Variants in SH3RF2 observed in about 807,000 individuals in gnomAD.
SH3RF2 encodes E3 ubiquitin-protein ligase SH3RF2.
SH3RF2 carries 43 observed loss-of-function variants against 59.0 expected under a neutral mutation model. The ratio of observed to expected loss-of-function variants is 0.73; its 90% CI spans 0.57 to 0.94. The LOEUF (loss-of-function observed/expected upper bound fraction) is 0.94, where lower values mean the gene tolerates loss of function less well. SH3RF2 is among the 40% of genes least tolerant of loss of function. SH3RF2 has a pLI of 0.00. For synonymous variants in SH3RF2, 391 were observed against 391.5 expected (o/e 1.00, Z 0.01); for missense variants, 930 against 940.1 (o/e 0.99, Z 0.14).
At chr5:145,958,805 G>T (rs976748776) in intron 2 of SH3RF2, among the ~76,000 whole-genome samples, 1 of 152,120 alleles carries the variant, frequency 6.6e-6, no homozygotes, top group South Asian at 2.1e-4. Flanking sequence ...CTGGGCTTGG[G>T]TCAGAAGCCT....
At chr5:146,017,638 A>G (rs1264207155) in intron 5 of SH3RF2, among the ~76,000 whole-genome samples, 1 of 152,102 alleles carries the variant, frequency 6.6e-6, no homozygotes, top group Non-Finnish European at 1.5e-5. Context: ...ATGCAACTAG[A>G]AAGCTCTTTT....
chr5:146,025,500 G>C (rs1308527919), intron 5 of SH3RF2, among the ~76,000 whole-genome samples: 2 of 152,214 alleles, frequency 1.3e-5, no homozygotes, highest in East Asian at 3.8e-4. Flanking sequence ...TGTTCAGCTT[G>C]GAGAAGAAAA....
At chr5:146,075,278 G>A (rs1356026644) in intron 9 of SH3RF2, among the ~76,000 whole-genome samples, 1 of 152,188 alleles carries the variant, frequency 6.6e-6, no homozygotes. Context: ...TAGAGCACCT[G>A]CTATGTGTCA....
Position 145,938,119 on chromosome 5 carries a change from C to G in SH3RF2, c.191C>G (p.Pro64Arg), listed in dbSNP as rs780094539. The G allele has an allele frequency of 1.2e-6, 2 of 1,614,072 alleles. No homozygotes were observed. Among genetic ancestry groups the G allele is most frequent in the Non-Finnish European group, 1.7e-6 (2 of 1,180,046 alleles). ...GTGTTTTCCAACATTGAGGCGCTGC[C>G]GGCCAACCTGCTGCTCGTGCGCCTT... ...TPVFSNIEAL[P>R]ANLLLVRLLD... The change falls in exon 2 of 10, where the codon CCG (proline) becomes CGG (arginine). Residue 64 changes from proline to arginine, a missense_variant. Physicochemically the swap from Pro to Arg is moderately radical, Grantham distance 103 (BLOSUM62 -2). Transcript: ENST00000359120.
chr5:146,036,422 T>C (rs1761938632), intron 5 of SH3RF2, among the ~76,000 whole-genome samples: 1 of 152,162 alleles, frequency 6.6e-6, no homozygotes, highest in Non-Finnish European at 1.5e-5. Context: ...TGGCCAGGCA[T>C]GGTGGCTCAC....
intron 3 of SH3RF2, among the ~76,000 whole-genome samples, chr5:146,003,710 A>T (rs993734798): frequency 3.8e-4 from 58 of 152,216 alleles, no homozygotes; most frequent in Non-Finnish European, 3.8e-4. Flanking sequence ...TTCTTTTTGC[A>T]AAGCTAAAAG....
chr5:145,981,243 T>C (rs1759495701), intron 2 of SH3RF2, among the ~76,000 whole-genome samples: 1 of 151,960 alleles, frequency 6.6e-6, no homozygotes. Flanking sequence ...TACAAGCATA[T>C]GCCACTACAC....
intron 2 of SH3RF2, among the ~76,000 whole-genome samples, chr5:145,993,074 G>A (rs895177360): frequency 1.3e-5 from 2 of 152,038 alleles, no homozygotes; most frequent in Admixed American, 1.3e-4. Flanking sequence ...TCAAATGGGA[G>A]AAATAGGCCA....
At chr5:145,975,227 A>T (rs992087721) in intron 2 of SH3RF2, among the ~76,000 whole-genome samples, 6 of 152,172 alleles carry the variant, frequency 3.9e-5, no homozygotes, top group Admixed American at 2.6e-4. Context: ...TTCCCAACTG[A>T]CACTGGAGCT....
At chr5:146,064,586 G>GGAGA (rs70998047), downstream of SH3RF2, among the ~76,000 whole-genome samples, 566 of 41,436 alleles carry the variant, frequency 0.014, 35 homozygotes, top group African/African-American at 0.061. Flanking sequence ...GAAGGAAGGG[G>GGAGA]GAGAGAGAGA....
chr5:146,053,564 A>C (rs1762570975), intron 7 of SH3RF2, among the ~76,000 whole-genome samples: 1 of 152,118 alleles, frequency 6.6e-6, no homozygotes, highest in Non-Finnish European at 1.5e-5. Flanking sequence ...AAGGGAGGAA[A>C]AGATGGGGGC....
Position 145,943,938 on chromosome 5 carries a change from GC to G in SH3RF2, c.378+5635del, listed in dbSNP as rs1304485167. Among the ~76,000 whole-genome samples, 3 of 152,124 alleles carry G rather than the reference GC, an allele frequency of 2.0e-5. No individual in the cohort carries two copies. In the East Asian group the frequency reaches 5.8e-4, roughly 29 times the overall value. On this transcript the variant is annotated intron_variant, in intron 2 of 9. Coordinates refer to ENST00000359120, the MANE Select transcript of SH3RF2 (RefSeq NM_152550.4). ...CATTTCCCCTTAGGAAAAGTTGCCTGCCCACCTGTCCGTTCATGCTATAAAA... is the reference window on the plus strand; with the variant it reads ...CATTTCCCCTTAGGAAAAGTTGCCTGCCACCTGTCCGTTCATGCTATAAAA...
chr5:146,030,785 A>G (rs975665780), intron 5 of SH3RF2, among the ~76,000 whole-genome samples: 4 of 152,126 alleles, frequency 2.6e-5, no homozygotes, highest in Non-Finnish European at 5.9e-5. Context: ...TGAAAATCAA[A>G]AGAATAAAAC....
chr5:146,059,273 C>T (rs1474777279), intron 8 of SH3RF2, among the ~76,000 whole-genome samples: 7 of 152,168 alleles, frequency 4.6e-5, no homozygotes, highest in Non-Finnish European at 7.3e-5. Context: ...GCTTGCCTAG[C>T]CCTTGCCACT....
chr5:146,078,924 C>G (rs1320674383), exon 10 of SH3RF2: 21 of 152,172 alleles, frequency 1.4e-4, no homozygotes, highest in African/African-American at 1.2e-4. Context: ...CTTTGGTGTT[C>G]AATCCGAAGA....
chr5:145,972,320 T>A (rs1759116106), intron 2 of SH3RF2, among the ~76,000 whole-genome samples: 1 of 152,120 alleles, frequency 6.6e-6, no homozygotes. Context: ...CAGCATCCCA[T>A]CAGAATAGCA....
At chr5:146,024,287 A>T (rs1257689389) in intron 5 of SH3RF2, among the ~76,000 whole-genome samples, 1 of 152,152 alleles carries the variant, frequency 6.6e-6, no homozygotes, top group African/African-American at 2.4e-5. Context: ...ATTGGGTGTG[A>T]ATGTTATCCT....
chr5:145,991,226 G>A (rs1759921111), intron 2 of SH3RF2, among the ~76,000 whole-genome samples: 1 of 152,156 alleles, frequency 6.6e-6, no homozygotes, highest in South Asian at 2.1e-4. Flanking sequence ...CAATACACTG[G>A]CTGTGTGACC....
intron 5 of SH3RF2, among the ~76,000 whole-genome samples, chr5:146,020,578 A>G (rs1761282296): frequency 2.0e-5 from 3 of 152,156 alleles, no homozygotes; most frequent in Non-Finnish European, 4.4e-5. Context: ...TCTCATATAT[A>G]TCTCTCTTGT....
Sources: allele counts gnomAD v4.1 joint callset (sites outside exome capture counted in the v4.1 genomes callset), GRCh38; gene constraint gnomAD v4.1.1; transcripts MANE v1.5; gene names NCBI Gene and HGNC (gene_info 2026-07-23, HGNC 2026-07-21).